DLGAP1: variants seen among roughly 807,000 people sequenced by gnomAD.
DLGAP1 encodes DLG associated protein 1.
Under a neutral mutation model 90.8 loss-of-function variants are expected in DLGAP1, and 11 were observed. The observed-to-expected ratio is 0.12, with a 90% CI of 0.08 to 0.20. The LOEUF is 0.20. Ranked by LOEUF, DLGAP1 falls within the 10% of genes least tolerant of loss-of-function variation. The pLI is 1.00. For synonymous variants in DLGAP1, 558 were observed against 540.7 expected (o/e 1.03, Z -0.44); for missense variants, 1,050 against 1,333.8 (o/e 0.79, Z 3.31).
At chr18:4,318,338 C>T (rs372592658) in intron 1 of DLGAP1, among the ~76,000 whole-genome samples, 5 of 152,130 alleles carry the variant, frequency 3.3e-5, no homozygotes, top group East Asian at 3.9e-4. Context: ...TTTACAAATA[C>T]GTATAGAGAA....
At chr18:3,935,339 T>C (rs970643143) in intron 3 of DLGAP1, among the ~76,000 whole-genome samples, 1 of 152,208 alleles carries the variant, frequency 6.6e-6, no homozygotes, top group East Asian at 1.9e-4. Context: ...TAATTAAGTG[T>C]TGGAATTTAA....
At chr18:3,802,204 T>C (rs932505733) in intron 5 of DLGAP1, among the ~76,000 whole-genome samples, 6 of 151,610 alleles carry the variant, frequency 4.0e-5, no homozygotes, top group South Asian at 2.1e-4. Context: ...AGGCTGGTCT[T>C]GAACTCCTGA....
At chr18:3,978,922 G>A (rs147053993) in intron 3 of DLGAP1, among the ~76,000 whole-genome samples, 1 of 152,190 alleles carries the variant, frequency 6.6e-6, no homozygotes, top group Non-Finnish European at 1.5e-5. Flanking sequence ...TACGTGGAAA[G>A]TGTACGTAGG....
intron 1 of DLGAP1, among the ~76,000 whole-genome samples, chr18:4,155,833 C>T (rs1045216900): frequency 3.9e-5 from 6 of 152,012 alleles, no homozygotes; most frequent in Admixed American, 2.0e-4. Flanking sequence ...AGCTTACAGT[C>T]GACATGGCTT....
chr18:4,369,504 G>T lies in DLGAP1; in HGVS notation c.-267+85502C>A, dbSNP rs148310851. On this transcript the variant is annotated intron_variant, in intron 1 of 12. Coordinates refer to ENST00000315677, the MANE Select transcript of DLGAP1 (RefSeq NM_004746.4). The stretch of plus-strand genomic sequence containing the variant: ...TTAAATAACTTAATATTGTCTGTTT[G>T]CACTGGAATTAGGATCTCAATCTAA... 3.4e-3 allele frequency among the ~76,000 whole-genome samples: 512 copies of T among 151,856 alleles called. 4 individuals are homozygous for T. The highest frequency in any genetic ancestry group is 0.012 in the African/African-American group (493 of 41,374).
At chr18:3,772,354 T>TTCTTTCTC (rs2064674783) in intron 5 of DLGAP1, among the ~76,000 whole-genome samples, 2 of 64,528 alleles carry the variant, frequency 3.1e-5, no homozygotes, top group African/African-American at 1.9e-4. Flanking sequence ...CTCTCTTTCT[T>TTCTTTCTC]TCTTTCTTTC....
At chr18:4,385,628 G>A (rs1035112511) in intron 1 of DLGAP1, among the ~76,000 whole-genome samples, 41 of 152,018 alleles carry the variant, frequency 2.7e-4, no homozygotes, top group African/African-American at 8.9e-4. Flanking sequence ...AGAAACCACC[G>A]GGTAGCATCC....
chr18:4,080,644 G>C (rs1177126567), intron 2 of DLGAP1, among the ~76,000 whole-genome samples: 4 of 152,064 alleles, frequency 2.6e-5, no homozygotes, highest in Non-Finnish European at 5.9e-5. Context: ...TTCTTTCTGC[G>C]GGCTGCTCCC....
At chr18:3,649,070 T>A (rs2059211733) in intron 7 of DLGAP1, among the ~76,000 whole-genome samples, 1 of 152,244 alleles carries the variant, frequency 6.6e-6, no homozygotes, top group African/African-American at 2.4e-5. Context: ...TTACTTTGGT[T>A]CTCCTTATTC....
At chr18:3,717,758 C>A (rs2061816141) in intron 7 of DLGAP1, among the ~76,000 whole-genome samples, 1 of 152,184 alleles carries the variant, frequency 6.6e-6, no homozygotes. Context: ...AACAGATATT[C>A]ATGGGGCAAA....
At chr18:3,613,319 G>A (rs1365044320) in intron 7 of DLGAP1, among the ~76,000 whole-genome samples, 7 of 152,168 alleles carry the variant, frequency 4.6e-5, no homozygotes, top group African/African-American at 1.7e-4. Context: ...AGGAAACAAT[G>A]GTTTATTGTC....
intron 4 of DLGAP1, chr18:3,874,465 C>T (rs1276571767): frequency 1.4e-6 from 2 of 1,433,814 alleles, no homozygotes. Context: ...ATATGTCAGT[C>T]ACTCAACATA....
chr18:3,836,957 C>T (rs1012755103), intron 4 of DLGAP1, among the ~76,000 whole-genome samples: 3 of 152,174 alleles, frequency 2.0e-5, no homozygotes, highest in African/African-American at 7.2e-5. Flanking sequence ...GAAGCAGGCT[C>T]TTGAGTTCTG....
intron 3 of DLGAP1, among the ~76,000 whole-genome samples, chr18:3,947,126 A>AACC (rs1273331019): frequency 6.6e-6 from 1 of 152,122 alleles, no homozygotes; most frequent in Non-Finnish European, 1.5e-5. Flanking sequence ...GGCTACACAC[A>AACC]ACCACTGCAT....
At chr18:3,741,908 T>A (rs898180407) in intron 6 of DLGAP1, among the ~76,000 whole-genome samples, 1 of 151,912 alleles carries the variant, frequency 6.6e-6, no homozygotes, top group East Asian at 1.9e-4. Context: ...AGTGACGTGA[T>A]CTCGGTTCAC....
intron 5 of DLGAP1, among the ~76,000 whole-genome samples, chr18:3,811,421 T>G (rs1351721111): frequency 1.3e-5 from 2 of 152,130 alleles, no homozygotes; most frequent in African/African-American, 4.8e-5. Context: ...CCGTCTTACA[T>G]AAACATAGGA....
chr18:4,009,258 C>T (rs958915795), intron 2 of DLGAP1, among the ~76,000 whole-genome samples: 4 of 152,128 alleles, frequency 2.6e-5, no homozygotes, highest in Non-Finnish European at 4.4e-5. Flanking sequence ...GACTTCTGAC[C>T]CAATCTGCAA....
chr18:4,255,510 A>AAT (rs1555772774), intron 1 of DLGAP1, among the ~76,000 whole-genome samples: 1,789 of 149,382 alleles, frequency 0.012, 30 homozygotes, highest in African/African-American at 0.041. Context: ...TGAAAAAAAA[A>AAT]ATATATATAT....
At chr18:3,778,999 G>A (rs899234468) in intron 5 of DLGAP1, among the ~76,000 whole-genome samples, 13 of 152,092 alleles carry the variant, frequency 8.5e-5, no homozygotes, top group African/African-American at 3.1e-4. Context: ...ATATTACTCT[G>A]ACTAGGTCAT....
Sources: allele counts gnomAD v4.1 joint callset (sites outside exome capture counted in the v4.1 genomes callset), GRCh38; gene constraint gnomAD v4.1.1; transcripts MANE v1.5; gene names NCBI Gene and HGNC (gene_info 2026-07-23, HGNC 2026-07-21).